NKAIN3: variants seen among roughly 807,000 people sequenced by gnomAD.
NKAIN3 encodes the protein sodium/potassium transporting ATPase interacting 3, also known as sodium/potassium-transporting ATPase subunit beta-1-interacting protein 3.
A neutral mutation model predicts 30.2 loss-of-function variants in NKAIN3; 25 were observed. The ratio of observed to expected loss-of-function variants is 0.83; its 90% CI spans 0.60 to 1.16. NKAIN3 has a LOEUF of 1.16. Among genes scored for constraint, NKAIN3 ranks in the 50% most tolerant of loss-of-function variants. NKAIN3 has a pLI of 0.00. For missense variants in NKAIN3, 225 were observed against 254.1 expected (o/e 0.89, Z 0.78); for synonymous variants, 91 against 89.6 (o/e 1.02, Z -0.09).
intron 4 of NKAIN3, among the ~76,000 whole-genome samples, chr8:62,808,048 T>C (rs1818361700): frequency 6.6e-6 from 1 of 152,122 alleles, no homozygotes; most frequent in African/African-American, 2.4e-5. Flanking sequence ...TTGAACACAA[T>C]AAAGTCTTTA....
chr8:62,903,851 G>C (rs59481481), intron 4 of NKAIN3, among the ~76,000 whole-genome samples: 3,019 of 152,168 alleles, frequency 0.02, 89 homozygotes, highest in African/African-American at 0.069. Context: ...GAAGGGGGAA[G>C]TCCCTGATAA....
chr8:62,294,965 G>A (rs1813780190), intron 1 of NKAIN3, among the ~76,000 whole-genome samples: 1 of 152,072 alleles, frequency 6.6e-6, no homozygotes, highest in African/African-American at 2.4e-5. Flanking sequence ...TGATATTCTG[G>A]GGCATGTTCC....
intron 1 of NKAIN3, among the ~76,000 whole-genome samples, chr8:62,336,065 A>G (rs1367521320): frequency 1.3e-5 from 2 of 152,024 alleles, no homozygotes; most frequent in African/African-American, 4.8e-5. Context: ...CATGAGCTTT[A>G]TTTTCCTAAA....
intron 4 of NKAIN3, chr8:62,855,339 G>A: frequency 1.6e-6 from 1 of 622,430 alleles, no homozygotes. Context: ...ACTTCCAGCA[G>A]CTCCTGCTTC....
At chr8:62,713,502 G>A (rs1814791798) in intron 3 of NKAIN3, among the ~76,000 whole-genome samples, 1 of 152,116 alleles carries the variant, frequency 6.6e-6, no homozygotes, top group South Asian at 2.1e-4. Flanking sequence ...ATTTGAGTGA[G>A]CATTTTATCT....
rs578173633 is a variant in NKAIN3 at position 62,544,587 on chromosome 8, A to C, written c.55-34952A>C. Among the ~76,000 whole-genome samples the C allele has an allele frequency of 7.2e-4, 110 of 152,306 alleles. 1 individual carries two copies. In the Middle Eastern group the frequency reaches 0.024, roughly 33 times the overall value. On this transcript the variant is annotated intron_variant, in intron 1 of 6. Coordinates refer to ENST00000623646, the MANE Select transcript of NKAIN3 (RefSeq NM_001304533.3). ...TAAAAACTATAGATAACACAGATTT[A>C]TATAGCATAAATAATTTAGATTCCC... is the stretch of plus-strand genomic sequence containing the variant.
intron 4 of NKAIN3, among the ~76,000 whole-genome samples, chr8:62,893,604 A>G (rs1371015195): frequency 1.3e-5 from 2 of 152,090 alleles, no homozygotes; most frequent in East Asian, 3.9e-4. Flanking sequence ...AGTGAGGGGA[A>G]GCCGGTGATG....
intron 1 of NKAIN3, among the ~76,000 whole-genome samples, chr8:62,373,586 C>G (rs1326893396): frequency 1.3e-5 from 2 of 152,132 alleles, no homozygotes; most frequent in Non-Finnish European, 2.9e-5. Flanking sequence ...CAGTTTAGGT[C>G]TCATGAAGAT....
chr8:62,584,175 A>G (rs1475190266), intron 2 of NKAIN3, among the ~76,000 whole-genome samples: 3 of 152,096 alleles, frequency 2.0e-5, no homozygotes, highest in Non-Finnish European at 2.9e-5. Flanking sequence ...TTTCTCTCAA[A>G]ATTGCTTCTT....
intron 1 of NKAIN3, among the ~76,000 whole-genome samples, chr8:62,327,370 C>T (rs773066568): frequency 5.3e-5 from 8 of 152,000 alleles, no homozygotes; most frequent in Admixed American, 1.3e-4. Flanking sequence ...TCTTTAGTGT[C>T]ATATTCAAGA....
Position 62,983,249 on chromosome 8 carries a change from A to G in NKAIN3, c.*17842A>G, listed in dbSNP as rs756947855. The G allele has an allele frequency of 6.6e-6, 1 of 152,100 alleles. No individual in the cohort carries two copies. Among genetic ancestry groups the G allele is most frequent in the Non-Finnish European group, 1.5e-5 (1 of 68,034 alleles). The allele number at this position is 152,100 out of a possible 1,614,324, so 9.4% of individuals were successfully genotyped here. On this transcript the variant is annotated 3_prime_UTR_variant, in exon 7 of 7. Transcript: ENST00000623646. ...GCACTAGAAATATAAAGCAAAAAAA[A>G]CAGATTCTACCCACCGGGAGCTCCT... is the stretch of plus-strand genomic sequence containing the variant.
intron 1 of NKAIN3, among the ~76,000 whole-genome samples, chr8:62,460,069 G>C (rs947286920): frequency 3.9e-5 from 6 of 152,144 alleles, no homozygotes; most frequent in Non-Finnish European, 7.4e-5. Context: ...GGACGCCAGT[G>C]AAACGGTGGA....
rs190488234 is a variant in NKAIN3 at position 62,653,287 on chromosome 8, G to A, written c.273+63493G>A. 3.9e-3 allele frequency among the ~76,000 whole-genome samples: 590 copies of A among 152,286 alleles called. 3 individuals carry two copies. The highest frequency in any genetic ancestry group is 0.013 in the African/African-American group (522 of 41,578). ...CTTCTGTGTTCTTAAGTAGCAGAGA[G>A]AGAGAGAGAGAACCAGAGCAAGCTC... On this transcript the variant is annotated intron_variant, in intron 3 of 6. Transcript: ENST00000623646.
chr8:62,443,785 C>T (rs1805403051), intron 1 of NKAIN3, among the ~76,000 whole-genome samples: 1 of 151,894 alleles, frequency 6.6e-6, no homozygotes, highest in African/African-American at 2.4e-5. Context: ...ATTTTTTCTG[C>T]ATCTTTTTGC....
At chr8:62,353,945 T>C (rs183707084) in intron 1 of NKAIN3, among the ~76,000 whole-genome samples, 5 of 152,330 alleles carry the variant, frequency 3.3e-5, no homozygotes, top group African/African-American at 7.2e-5. Flanking sequence ...TTTTAATGGC[T>C]CCTTAAAAGA....
At chr8:62,477,471 C>T (rs966051582) in intron 1 of NKAIN3, among the ~76,000 whole-genome samples, 12 of 151,982 alleles carry the variant, frequency 7.9e-5, no homozygotes, top group African/African-American at 2.9e-4. Flanking sequence ...CGTGGCTCTC[C>T]GAAGGCATGT....
At chr8:62,255,586 GTT>G (rs1812238245) in intron 1 of NKAIN3, among the ~76,000 whole-genome samples, 1 of 152,222 alleles carries the variant, frequency 6.6e-6, no homozygotes, top group South Asian at 2.1e-4. Context: ...TCTGGAGTAT[GTT>G]TTAAGGTAGA....
At chr8:62,455,276 A>G (rs140278694) in intron 1 of NKAIN3, among the ~76,000 whole-genome samples, 2 of 152,344 alleles carry the variant, frequency 1.3e-5, no homozygotes, top group Non-Finnish European at 2.9e-5. Context: ...CAAGGCACAC[A>G]TCAGTGGTGG....
At chr8:62,431,164 A>G (rs902821521) in intron 1 of NKAIN3, among the ~76,000 whole-genome samples, 2 of 151,924 alleles carry the variant, frequency 1.3e-5, no homozygotes, top group Non-Finnish European at 2.9e-5. Flanking sequence ...ACATCCAAAG[A>G]TAGTCTGAAT....
Sources: gnomAD v4.1 joint callset for allele counts (sites outside exome capture counted in the v4.1 genomes callset) on GRCh38, gnomAD v4.1.1 for gene constraint, MANE v1.5 for transcripts, NCBI Gene and HGNC (gene_info 2026-07-23, HGNC 2026-07-21) for gene names.